Variants in ZFHX4 observed in about 807,000 individuals in gnomAD.
ZFHX4 encodes zinc finger homeobox protein 4.
A neutral mutation model predicts 267.6 loss-of-function variants in ZFHX4; 56 were observed. The observed-to-expected ratio is 0.21, with a 90% CI of 0.17 to 0.26. The LOEUF is 0.26. Among genes scored for constraint, ZFHX4 ranks in the 10% least tolerant of loss-of-function variants. The pLI, the probability that ZFHX4 is intolerant of heterozygous loss-of-function variation, is 1.00. For missense variants in ZFHX4, 4,332 were observed against 4,420.0 expected (o/e 0.98, Z 0.56); for synonymous variants, 1,778 against 1,665.6 (o/e 1.07, Z -1.64).
chr8:76,715,132 G>A (rs1012528070), intron 3 of ZFHX4, among the ~76,000 whole-genome samples: 5 of 152,152 alleles, frequency 3.3e-5, no homozygotes, highest in African/African-American at 9.7e-5. Flanking sequence ...GGACATATAT[G>A]TAGTTTTCAA....
chr8:76,860,731 C>G (rs984893855), intron 10 of ZFHX4, among the ~76,000 whole-genome samples: 1 of 152,046 alleles, frequency 6.6e-6, no homozygotes, highest in Non-Finnish European at 1.5e-5. Flanking sequence ...TCACTCAGGC[C>G]TGAAATTTTA....
At chr8:76,827,191 C>A (rs1178450818) in intron 4 of ZFHX4, among the ~76,000 whole-genome samples, 1 of 151,970 alleles carries the variant, frequency 6.6e-6, no homozygotes, top group Non-Finnish European at 1.5e-5. Flanking sequence ...AACTGTTCCA[C>A]CTCAGATCAT....
At chr8:76,687,451 G>A (rs1037370655) in intron 1 of ZFHX4, among the ~76,000 whole-genome samples, 1 of 152,140 alleles carries the variant, frequency 6.6e-6, no homozygotes, top group Non-Finnish European at 1.5e-5. Context: ...CTCCCAAGAC[G>A]GGATAGTGTC....
chr8:76,809,000 T>A (rs1025569951), intron 4 of ZFHX4, among the ~76,000 whole-genome samples: 1 of 151,894 alleles, frequency 6.6e-6, no homozygotes, highest in Admixed American at 6.6e-5. Flanking sequence ...TGTTTTTTTC[T>A]GTTACATCCA....
chr8:76,811,732 A>C (rs138070189), intron 4 of ZFHX4, among the ~76,000 whole-genome samples: 1 of 152,196 alleles, frequency 6.6e-6, no homozygotes, highest in Non-Finnish European at 1.5e-5. Flanking sequence ...GCTTCTATGC[A>C]TTAGGTTATT....
At chr8:76,723,048 TTA>T (rs1808765849) in intron 3 of ZFHX4, among the ~76,000 whole-genome samples, 1 of 152,052 alleles carries the variant, frequency 6.6e-6, no homozygotes, top group Non-Finnish European at 1.5e-5. Context: ...GTGTATTCTT[TTA>T]TGTTTTAACT....
chr8:76,807,748 T>C (rs1057016360), intron 4 of ZFHX4, among the ~76,000 whole-genome samples: 1 of 152,122 alleles, frequency 6.6e-6, no homozygotes, highest in Non-Finnish European at 1.5e-5. Context: ...ATGTTAGAAA[T>C]TGCAGTTAAA....
intron 4 of ZFHX4, among the ~76,000 whole-genome samples, chr8:76,792,731 C>T (rs1222412124): frequency 6.6e-6 from 1 of 152,166 alleles, no homozygotes; most frequent in African/African-American, 2.4e-5. Flanking sequence ...GCTGTATTGT[C>T]TACTGGTTCT....
chr8:76,833,647 C>A, intron 5 of ZFHX4: 1 of 418,300 alleles, frequency 2.4e-6, no homozygotes, highest in South Asian at 2.3e-5. Context: ...ACCCTCTCCC[C>A]TGACACATGT....
chr8:76,691,482 A>C (rs1807822132), intron 1 of ZFHX4, among the ~76,000 whole-genome samples: 1 of 152,072 alleles, frequency 6.6e-6, no homozygotes, highest in African/African-American at 2.4e-5. Context: ...AGAAAGAATA[A>C]CACCTAGTTA....
At chr8:76,782,828 C>T (rs895932044) in intron 4 of ZFHX4, among the ~76,000 whole-genome samples, 2 of 152,012 alleles carry the variant, frequency 1.3e-5, no homozygotes, top group Non-Finnish European at 1.5e-5. Flanking sequence ...TAATCATAAT[C>T]GTTTTTCATT....
In ZFHX4 at chr8:76,863,908, C is replaced by A; in HGVS notation, c.10194C>A (p.Phe3398Leu). 1 of 1,583,480 alleles carries A rather than the reference C, an allele frequency of 6.3e-7. No individual in the cohort carries two copies. Among genetic ancestry groups the A allele is most frequent in the Non-Finnish European group, 8.6e-7 (1 of 1,164,050 alleles). The change falls in exon 11 of 11, where the codon TTC becomes TTA. Residue 3398 changes from phenylalanine to leucine, a missense_variant. By Grantham distance (22) the Phe-to-Leu change is conservative. Coordinates refer to ENST00000651372, the MANE Select transcript of ZFHX4 (RefSeq NM_024721.5). The stretch of plus-strand genomic sequence containing the variant: ...TTTCAGACACTTACGTTGTTCCATT[C>A]GTCAAGTATGAGTTTATATGCAGAA... ...ADFSDTYVVP[F>L]VKYEFICRKC...
chr8:76,829,712 G>A (rs1811883635), intron 4 of ZFHX4, among the ~76,000 whole-genome samples: 1 of 152,062 alleles, frequency 6.6e-6, no homozygotes, highest in South Asian at 2.1e-4. Flanking sequence ...GTGAGGCTGG[G>A]GCAGGAGAAT....
At chr8:76,717,607 C>A (rs1808611106) in intron 3 of ZFHX4, among the ~76,000 whole-genome samples, 1 of 151,996 alleles carries the variant, frequency 6.6e-6, no homozygotes, top group Admixed American at 6.6e-5. Context: ...CTTTCTTTTT[C>A]TTTTTTTGAG....
intron 3 of ZFHX4, among the ~76,000 whole-genome samples, chr8:76,718,147 G>T (rs1808627704): frequency 6.6e-6 from 1 of 152,062 alleles, no homozygotes; most frequent in Admixed American, 6.5e-5. Context: ...CAGCGTAGGT[G>T]GTATCAGAGA....
chr8:76,852,060 T>C lies in ZFHX4; in HGVS notation c.5139T>C (p.Phe1713=). The change falls in exon 10 of 11, where the codon TTT becomes TTC. Residue 1713 remains phenylalanine, a synonymous_variant. Transcript: ENST00000651372. The part of the protein sequence containing the change: ...QQQAAFFQPQ[F]LNPAFLPHFP... Reference sequence around the variant, plus strand: ...AAGCCGCATTCTTTCAGCCTCAGTTTCTAAACCCAGCCTTTTTGCCTCATT... The same window carrying C: ...AAGCCGCATTCTTTCAGCCTCAGTTCCTAAACCCAGCCTTTTTGCCTCATT... The C allele has an allele frequency of 6.2e-7, 1 of 1,614,000 alleles. No homozygotes were observed. Among genetic ancestry groups the C allele is most frequent in the Non-Finnish European group, 8.5e-7 (1 of 1,179,884 alleles).
At chr8:76,835,880 C>T (rs374701624) in intron 5 of ZFHX4, among the ~76,000 whole-genome samples, 1 of 152,138 alleles carries the variant, frequency 6.6e-6, no homozygotes, top group East Asian at 1.9e-4. Flanking sequence ...AATCTTTGGA[C>T]TTAGATATTC....
intron 1 of ZFHX4, among the ~76,000 whole-genome samples, chr8:76,683,553 C>A (rs921352247): frequency 1.3e-5 from 2 of 151,640 alleles, no homozygotes; most frequent in Admixed American, 6.6e-5. Context: ...AGTCTCCCCC[C>A]CACCCTTTTT....
In ZFHX4 at chr8:76,864,255, C is replaced by T; in HGVS notation, c.10541C>T (p.Thr3514Ile). The T allele has an allele frequency of 6.2e-7, 1 of 1,613,926 alleles. No individual in the cohort carries two copies. The highest frequency in any genetic ancestry group is 1.7e-5 in the Admixed American group (1 of 60,000). The part of the protein sequence containing the change: ...TSQSAASSNN[T>I]YPHLSCFSMK... Reference sequence around the variant, plus strand: ...CAGTCTGCAGCTTCTTCTAATAACACCTATCCTCATCTTTCTTGCTTCTCC... The same window carrying T: ...CAGTCTGCAGCTTCTTCTAATAACATCTATCCTCATCTTTCTTGCTTCTCC... The change falls in exon 11 of 11, where the codon ACC becomes ATC. Residue 3514 changes from threonine (T) to isoleucine (I), a missense_variant. Transcript: ENST00000651372.
Sources: allele counts gnomAD v4.1 joint callset (sites outside exome capture counted in the v4.1 genomes callset), GRCh38; gene constraint gnomAD v4.1.1; transcripts MANE v1.5; gene names NCBI Gene and HGNC (gene_info 2026-07-23, HGNC 2026-07-21).